The following PINX1 variants were observed in gnomAD, a reference collection of about 807,000 sequenced individuals.
The protein encoded by PINX1 is PIN2 (TERF1) interacting telomerase inhibitor 1.
PINX1 carries 34 observed loss-of-function variants against 25.4 expected under a neutral mutation model. That is an observed-to-expected ratio of 1.34 (90% CI 1.02 to 1.78). The LOEUF (loss-of-function observed/expected upper bound fraction) is 1.78, where lower values mean the gene tolerates loss of function less well. PINX1 is among the 40% of genes most tolerant of loss of function. PINX1 has a pLI of 0.00. For missense variants in PINX1, 592 were observed against 404.9 expected, an observed-to-expected ratio of 1.46 and a Z score of -3.97; for synonymous variants, 197 against 147.7, an observed-to-expected ratio of 1.33 and a Z score of -2.42.
chr8:10,783,941 T>G (rs1438167584), intron 6 of PINX1, among the ~76,000 whole-genome samples: 1 of 152,184 alleles, frequency 6.6e-6, no homozygotes, highest in Non-Finnish European at 1.5e-5. Context: ...ACTTGTAACT[T>G]CAACTCAAAG....
intron 5 of PINX1, among the ~76,000 whole-genome samples, chr8:10,824,273 T>C (rs1797968431): frequency 6.6e-6 from 1 of 152,196 alleles, no homozygotes; most frequent in South Asian, 2.1e-4. Context: ...TCTAAGATAG[T>C]CCACCCTAGA....
intron 6 of PINX1, among the ~76,000 whole-genome samples, chr8:10,791,078 A>G (rs1247122763): frequency 1.3e-5 from 2 of 151,978 alleles, no homozygotes; most frequent in Non-Finnish European, 2.9e-5. Flanking sequence ...ACACCTGGCT[A>G]ATTTTTTGTA....
In PINX1 at chr8:10,786,564, C is replaced by A. The variant is rs557854185; in HGVS notation, c.472-20648G>T. ...CTACTTTAGGAAAATTAAGCGTGAG[C>A]TACGCCCCAGAAGGGCTCACCCCAC... On this transcript the variant is annotated intron_variant, in intron 6 of 6. Transcript: ENST00000314787. Among the ~76,000 whole-genome samples the A allele has an allele frequency of 2.0e-5, 3 of 152,302 alleles. No individual in the cohort carries two copies. In the South Asian group the frequency reaches 6.2e-4, roughly 32 times the overall value.
At chr8:10,825,658 G>A (rs1301008448) in intron 5 of PINX1, among the ~76,000 whole-genome samples, 9 of 152,154 alleles carry the variant, frequency 5.9e-5, no homozygotes, top group African/African-American at 2.2e-4. Flanking sequence ...GAATGCCTAC[G>A]CTGTGAAATG....
At chr8:10,771,600 A>G (rs1206292285) in intron 6 of PINX1, among the ~76,000 whole-genome samples, 2 of 152,238 alleles carry the variant, frequency 1.3e-5, no homozygotes, top group African/African-American at 4.8e-5. Flanking sequence ...AACAAGGTAC[A>G]GTAAGTGCTC....
intron 6 of PINX1, among the ~76,000 whole-genome samples, chr8:10,803,607 A>G (rs1348431058): frequency 6.6e-6 from 1 of 152,074 alleles, no homozygotes; most frequent in African/African-American, 2.4e-5. Flanking sequence ...TCTATAACTT[A>G]TATTTTCTGT....
At chr8:10,817,939 A>AT (rs1015750028) in intron 6 of PINX1, among the ~76,000 whole-genome samples, 3 of 122,506 alleles carry the variant, frequency 2.4e-5, no homozygotes, top group East Asian at 2.1e-4. Flanking sequence ...TTAAAAAAAA[A>AT]TTTTTTTTAA....
intron 2 of PINX1, 98 bp downstream of exon 2, chr8:10,834,568 A>T (rs1303788041): frequency 6.8e-7 from 1 of 1,465,570 alleles, no homozygotes; most frequent in Non-Finnish European, 9.0e-7. Flanking sequence ...TACTGATCCA[A>T]AGCATAAGTT....
Position 10,832,939 on chromosome 8 carries a change from G to C in PINX1, c.175C>G (p.Gln59Glu). The change falls in exon 3 of 7, where the codon CAA (glutamine) becomes GAA (glutamate). Residue 59 changes from glutamine to glutamate, a missense_variant. Transcript: ENST00000314787. ...AGTCCCAGGTGGTTATTTTTCACTT[G>C]AACTTTAATATGATCTGTGGCTCCT... ...EQGATDHIKV[Q>E]VKNNHLGLGA... 6.2e-7 allele frequency: 1 copy of C among 1,612,326 alleles called. No individual in the cohort carries two copies. The highest frequency in any genetic ancestry group is 8.5e-7 in the Non-Finnish European group (1 of 1,179,080).
chr8:10,822,299 A>G (rs1035968882), intron 5 of PINX1, among the ~76,000 whole-genome samples: 1 of 152,220 alleles, frequency 6.6e-6, no homozygotes, highest in East Asian at 1.9e-4. Context: ...AAATACGACA[A>G]ATTTAAAAAG....
chr8:10,789,778 C>G (rs776315807), intron 6 of PINX1, among the ~76,000 whole-genome samples: 1 of 152,200 alleles, frequency 6.6e-6, no homozygotes, highest in Non-Finnish European at 1.5e-5. Flanking sequence ...GTACACACCA[C>G]TGAGACCACA....
intron 6 of PINX1, among the ~76,000 whole-genome samples, chr8:10,773,918 T>C (rs1259334582): frequency 1.3e-5 from 2 of 152,332 alleles, no homozygotes; most frequent in Non-Finnish European, 2.9e-5. Flanking sequence ...CCATGGAAGA[T>C]AAACGAGGCT....
chr8:10,807,328 C>CA (rs1491264089), intron 6 of PINX1, among the ~76,000 whole-genome samples: 24 of 28,462 alleles, frequency 8.4e-4, no homozygotes, highest in African/African-American at 2.8e-3. Context: ...CCCCCCCCCA[C>CA]CCCCCCCCCC....
intron 6 of PINX1, among the ~76,000 whole-genome samples, chr8:10,791,453 C>G (rs1801919557): frequency 6.6e-6 from 1 of 152,110 alleles, no homozygotes; most frequent in Non-Finnish European, 1.5e-5. Context: ...GCTCCAGGCT[C>G]CTGGCCGTGA....
chr8:10,778,118 G>A (rs1482507923), intron 6 of PINX1, among the ~76,000 whole-genome samples: 1 of 152,114 alleles, frequency 6.6e-6, no homozygotes, highest in South Asian at 2.1e-4. Flanking sequence ...CTGGTCTTTG[G>A]GGGCTGGGTT....
intron 6 of PINX1, among the ~76,000 whole-genome samples, chr8:10,786,483 G>T (rs1433102468): frequency 6.6e-6 from 1 of 152,176 alleles, no homozygotes; most frequent in African/African-American, 2.4e-5. Flanking sequence ...CCCTGAGAAA[G>T]AAAGAAAAAG....
At chr8:10,807,321 C>CA (rs1802483199) in intron 6 of PINX1, among the ~76,000 whole-genome samples, 2 of 58,276 alleles carry the variant, frequency 3.4e-5, no homozygotes, top group African/African-American at 8.0e-5. Flanking sequence ...AGAAAATCCC[C>CA]CCCCCACCCC....
chr8:10,803,216 TG>T (rs2129080348), intron 6 of PINX1, among the ~76,000 whole-genome samples: 1 of 152,328 alleles, frequency 6.6e-6, no homozygotes, highest in African/African-American at 2.4e-5. Context: ...TATTTTAAGG[TG>T]AATCCCAGAC....
In PINX1 at chr8:10,803,590, T is replaced by C. The variant is rs376829747; in HGVS notation, c.471+16603A>G. ...GATTTTTGTTTGTTTCCTTCTAAGA[T>C]TGCATCTCTATAACTTATATTTTCT... On this transcript the variant is annotated intron_variant, in intron 6 of 6. Coordinates refer to ENST00000314787, the MANE Select transcript of PINX1 (RefSeq NM_017884.6). Among the ~76,000 whole-genome samples the C allele has an allele frequency of 4.2e-4, 64 of 152,330 alleles. 1 individual carries two copies. Among genetic ancestry groups the C allele is most frequent in the African/African-American group, 1.3e-3 (55 of 41,568 alleles).
Sources: gnomAD v4.1 joint callset for allele counts (sites outside exome capture counted in the v4.1 genomes callset) on GRCh38, gnomAD v4.1.1 for gene constraint, MANE v1.5 for transcripts, NCBI Gene and HGNC (gene_info 2026-07-23, HGNC 2026-07-21) for gene names.